Variants in LGSN observed in about 807,000 individuals in gnomAD.
LGSN encodes the protein lengsin, lens protein with glutamine synthetase domain.
A neutral mutation model predicts 19.5 loss-of-function variants in LGSN; 21 were observed. The ratio of observed to expected loss-of-function variants is 1.07; its 90% CI spans 0.76 to 1.55. The LOEUF (loss-of-function observed/expected upper bound fraction) is 1.55. LGSN is among the 40% of genes most tolerant of loss of function. The probability of loss-of-function intolerance (pLI) is 0.00; values close to 1 mark genes in which losing one functional copy is unlikely to be tolerated. For synonymous variants in LGSN, 257 were observed against 215.6 expected (o/e 1.19, Z -1.68); for missense variants, 673 against 608.5 (o/e 1.11, Z -1.12).
chr6:63,347,606 T>C, the LGSN span, among the ~76,000 whole-genome samples: 20 of 152,226 alleles, frequency 1.3e-4, no homozygotes, highest in Admixed American at 3.3e-4. Flanking sequence ...CTTTTTCCAG[T>C]ATGCTTAAAA....
At chr6:63,475,834 A>T in the LGSN span, among the ~76,000 whole-genome samples, 1 of 152,204 alleles carries the variant, frequency 6.6e-6, no homozygotes, top group Non-Finnish European at 1.5e-5. Flanking sequence ...CCAGCAGGTC[A>T]TGCTCAGAAC....
chr6:63,429,997 T>C, the LGSN span, among the ~76,000 whole-genome samples: 1 of 152,176 alleles, frequency 6.6e-6, no homozygotes, highest in Non-Finnish European at 1.5e-5. Context: ...AAAGCCAAAA[T>C]TTCCCGGAAA....
the LGSN span, among the ~76,000 whole-genome samples, chr6:63,556,777 G>C: frequency 6.6e-6 from 1 of 152,112 alleles, no homozygotes; most frequent in Non-Finnish European, 1.5e-5. Flanking sequence ...AAACAGTAAC[G>C]TAAAAGTGAG....
chr6:63,522,168 T>TA, the LGSN span, among the ~76,000 whole-genome samples: 1 of 152,228 alleles, frequency 6.6e-6, no homozygotes, highest in Non-Finnish European at 1.5e-5. Flanking sequence ...ACTCTATATT[T>TA]ATGTTTTCTG....
At chr6:63,479,817 A>C in the LGSN span, among the ~76,000 whole-genome samples, 1 of 152,234 alleles carries the variant, frequency 6.6e-6, no homozygotes, top group Non-Finnish European at 1.5e-5. Context: ...GACTCTGTTT[A>C]ATTGATTTGG....
chr6:63,512,437 T>G, the LGSN span, among the ~76,000 whole-genome samples: 1 of 152,200 alleles, frequency 6.6e-6, no homozygotes, highest in African/African-American at 2.4e-5. Context: ...CCTTCATTGC[T>G]GCAAAGTGGC....
the LGSN span, among the ~76,000 whole-genome samples, chr6:63,384,992 C>T: frequency 6.6e-6 from 1 of 151,988 alleles, no homozygotes; most frequent in African/African-American, 2.4e-5. Flanking sequence ...AGCTGTAAGC[C>T]AAGGAGGATG....
chr6:63,459,117 T>C, the LGSN span, among the ~76,000 whole-genome samples: 1 of 152,242 alleles, frequency 6.6e-6, no homozygotes, highest in African/African-American at 2.4e-5. Flanking sequence ...TTAACAATTA[T>C]AATTCAAAAT....
chr6:63,454,139 T>C, the LGSN span, among the ~76,000 whole-genome samples: 1 of 152,206 alleles, frequency 6.6e-6, no homozygotes, highest in Non-Finnish European at 1.5e-5. Context: ...GATTTTAATA[T>C]TTTTAGTGTC....
the LGSN span, among the ~76,000 whole-genome samples, chr6:63,479,922 C>G: frequency 6.6e-6 from 1 of 152,158 alleles, no homozygotes; most frequent in Admixed American, 6.5e-5. Flanking sequence ...AGGTACCTCT[C>G]TAGTCACTGG....
At chr6:63,458,271 T>G in the LGSN span, among the ~76,000 whole-genome samples, 1 of 152,102 alleles carries the variant, frequency 6.6e-6, no homozygotes, top group East Asian at 1.9e-4. Flanking sequence ...CTCTCCATGT[T>G]AGTCAGGCTG....
the LGSN span, among the ~76,000 whole-genome samples, chr6:63,478,353 G>A: frequency 4.6e-5 from 7 of 152,174 alleles, no homozygotes; most frequent in Admixed American, 3.3e-4. Context: ...CAAGGACTGG[G>A]GGAAGCACAG....
At chr6:63,332,980 G>T in the LGSN span, among the ~76,000 whole-genome samples, 2 of 152,074 alleles carry the variant, frequency 1.3e-5, no homozygotes, top group Non-Finnish European at 2.9e-5. Context: ...TGGGCTCGTG[G>T]TCTCTCTGGC....
chr6:63,498,702 C>T, the LGSN span, among the ~76,000 whole-genome samples: 1 of 152,082 alleles, frequency 6.6e-6, no homozygotes, highest in Admixed American at 6.5e-5. Context: ...CTCCCTGTTA[C>T]ATTGTTCTGT....
intron 1 of LGSN, among the ~76,000 whole-genome samples, chr6:63,298,540 A>C (rs1768066317): frequency 6.6e-6 from 1 of 152,032 alleles, no homozygotes; most frequent in Non-Finnish European, 1.5e-5. Context: ...AGGTAGGGAA[A>C]AATCTTCGGC....
chr6:63,504,448 G>T, the LGSN span, among the ~76,000 whole-genome samples: 1 of 152,078 alleles, frequency 6.6e-6, no homozygotes, highest in Admixed American at 6.6e-5. Context: ...CACAGTGTTA[G>T]CCAGGCTGGT....
chr6:63,481,371 C>A, the LGSN span, among the ~76,000 whole-genome samples: 1 of 143,868 alleles, frequency 7.0e-6, no homozygotes, highest in Non-Finnish European at 1.5e-5. Context: ...GAGACGGGGT[C>A]TGGCTCTGTC....
the LGSN span, among the ~76,000 whole-genome samples, chr6:63,400,624 C>A: frequency 5.3e-5 from 8 of 152,190 alleles, no homozygotes; most frequent in Non-Finnish European, 1.2e-4. Context: ...TGTTTTGGGG[C>A]ATTTCATATG....
chr6:63,499,857 AT>A, the LGSN span, among the ~76,000 whole-genome samples: 14 of 151,590 alleles, frequency 9.2e-5, no homozygotes, highest in African/African-American at 3.4e-4. Context: ...TATATGTCCA[AT>A]TTACATTAAG....
Sources: gnomAD v4.1 joint callset for allele counts (sites outside exome capture counted in the v4.1 genomes callset) on GRCh38, gnomAD v4.1.1 for gene constraint, MANE v1.5 for transcripts, NCBI Gene and HGNC (gene_info 2026-07-23, HGNC 2026-07-21) for gene names.